The following IFNAR2 variants were observed in gnomAD, a reference collection of about 807,000 sequenced individuals.
The protein encoded by IFNAR2 is interferon alpha and beta receptor subunit 2, also known as interferon alpha/beta receptor 2.
In IFNAR2, 30 loss-of-function variants were observed where a neutral mutation model predicts 49.4. That is an observed-to-expected ratio of 0.61 (90% confidence interval 0.45 to 0.82). The LOEUF (loss-of-function observed/expected upper bound fraction) is 0.82, where lower values mean the gene tolerates loss of function less well. IFNAR2 is among the 40% of genes least tolerant of loss of function. IFNAR2 has a pLI of 0.00. For missense variants in IFNAR2, 600 were observed against 622.7 expected, an observed-to-expected ratio of 0.96 and a Z score of 0.39; for synonymous variants, 224 against 234.5, an observed-to-expected ratio of 0.96 and a Z score of 0.41.
chr21:33,246,387 T>C (rs1987409906), intron 4 of IFNAR2, among the ~76,000 whole-genome samples: 1 of 152,216 alleles, frequency 6.6e-6, no homozygotes, highest in African/African-American at 2.4e-5. Flanking sequence ...CAAGTTTTAC[T>C]GAGCACCTAC....
chr21:33,259,821 G>A (rs1988445490), intron 7 of IFNAR2, among the ~76,000 whole-genome samples: 1 of 152,146 alleles, frequency 6.6e-6, no homozygotes, highest in African/African-American at 2.4e-5. Flanking sequence ...ACTATCAAGG[G>A]TTTTTACTGA....
In IFNAR2 at chr21:33,263,669, G is replaced by T; in HGVS notation, c.*169G>T. On this transcript the variant is annotated 3_prime_UTR_variant, in exon 9 of 9. Coordinates refer to ENST00000342136, the MANE Select transcript of IFNAR2 (RefSeq NM_001289125.3). ...TCACCTATGCACATTCCCAGTATGG[G>T]GACCATAGTATCATTCAGTGCATTG... The T allele has an allele frequency of 1.6e-6, 1 of 620,764 alleles. No individual in the cohort carries two copies. Among genetic ancestry groups the T allele is most frequent in the South Asian group, 2.0e-5 (1 of 49,724 alleles). The allele number at this position is 620,764 out of a possible 1,614,324, so 38.5% of individuals were successfully genotyped here.
At chr21:33,236,150 A>G (rs1467454759) in intron 1 of IFNAR2, among the ~76,000 whole-genome samples, 1 of 152,106 alleles carries the variant, frequency 6.6e-6, no homozygotes, top group Non-Finnish European at 1.5e-5. Flanking sequence ...GCAAAGAGGA[A>G]GAGAGGGTCT....
In IFNAR2 at chr21:33,243,654, T is replaced by C; in HGVS notation, c.56-19T>C. The C allele has an allele frequency of 1.2e-6, 2 of 1,605,838 alleles. No individual in the cohort carries two copies. The highest frequency in any genetic ancestry group is 1.1e-5 in the South Asian group (1 of 90,858). ...CCAGATAAAACTATTGCCTCTCTAA[T>C]GTGTTTTCTTCCTTCTAGTGTATAT... is the stretch of plus-strand genomic sequence containing the variant. On this transcript the variant is annotated intron_variant, in intron 2 of 8. Transcript: ENST00000342136.
At chr21:33,247,469 C>T (rs965261197) in intron 5 of IFNAR2, among the ~76,000 whole-genome samples, 7 of 151,860 alleles carry the variant, frequency 4.6e-5, no homozygotes, top group East Asian at 1.9e-4. Context: ...AGGCTAGTCT[C>T]GAACTCCTGA....
At chr21:33,258,159 G>A (rs1988336216) in intron 7 of IFNAR2, among the ~76,000 whole-genome samples, 1 of 152,146 alleles carries the variant, frequency 6.6e-6, no homozygotes. Flanking sequence ...ACAAAAATTA[G>A]CCAGGCGTGG....
chr21:33,265,621 G>A lies in IFNAR2; in HGVS notation c.*2121G>A, dbSNP rs1430934657. ...TTTTTTAACATTTTGTATAATGATT[G>A]GAGGTTGGTAAAAAGTAACACAACA... On this transcript the variant is annotated 3_prime_UTR_variant, in exon 9 of 9. Transcript: ENST00000342136. 3 of 207,794 alleles carry A rather than the reference G, an allele frequency of 1.4e-5. No homozygotes were observed. Among genetic ancestry groups the A allele is most frequent in the Non-Finnish European group, 3.0e-5 (3 of 99,034 alleles). 12.9% of individuals were successfully genotyped at this position (207,794 alleles called of 1,614,324 possible).
chr21:33,244,930 C>G (rs763720274), intron 3 of IFNAR2, 21 bp from the exon 4 acceptor site: 8 of 1,612,636 alleles, frequency 5.0e-6, no homozygotes, highest in Non-Finnish European at 5.9e-6. Flanking sequence ...ATTTCAATGC[C>G]CTTTTTCTTC....
chr21:33,251,650 C>T, intron 6 of IFNAR2: 1 of 985,286 alleles, frequency 1.0e-6, no homozygotes, highest in Non-Finnish European at 1.2e-6. Context: ...TAGGAATCCT[C>T]ATTTATTAAA....
chr21:33,253,261 T>C (rs1015600007), intron 7 of IFNAR2, among the ~76,000 whole-genome samples: 3 of 152,142 alleles, frequency 2.0e-5, no homozygotes, highest in African/African-American at 7.2e-5. Flanking sequence ...CAGCTCTCGC[T>C]CATAGATGAA....
intron 1 of IFNAR2, among the ~76,000 whole-genome samples, chr21:33,232,180 TAAAAG>T (rs1394865218): frequency 1.3e-5 from 2 of 152,218 alleles, no homozygotes; most frequent in Non-Finnish European, 2.9e-5. Flanking sequence ...TCTCAAATGT[TAAAAG>T]AAAATGGGCA....
chr21:33,247,039 G>C, intron 5 of IFNAR2, 149 bp downstream of exon 5: 2 of 624,334 alleles, frequency 3.2e-6, no homozygotes, highest in Non-Finnish European at 5.6e-6. Context: ...CTGTAACCGT[G>C]GACTGCTTTG....
Position 33,252,762 on chromosome 21 carries a change from A to G in IFNAR2, c.641A>G (p.His214Arg), listed in dbSNP as rs896211095. The G allele has an allele frequency of 1.2e-6, 2 of 1,614,000 alleles. No individual in the cohort carries two copies. Among genetic ancestry groups the G allele is most frequent in the Non-Finnish European group, 1.7e-6 (2 of 1,179,848 alleles). The change falls in exon 7 of 9, where the codon CAC (histidine) becomes CGC (arginine). Residue 214 changes from histidine to arginine, a missense_variant. His to Arg is a conservative substitution (Grantham distance 29). Coordinates refer to ENST00000342136, the MANE Select transcript of IFNAR2 (RefSeq NM_001289125.3). ...TACTGTGTATCTGTTTATTTAGAGC[A>G]CAGTGATGAGCAAGCAGTAATAAAG... is the stretch of plus-strand genomic sequence containing the variant. ...TNYCVSVYLE[H>R]SDEQAVIKSP...
At chr21:33,242,687 C>T (rs1372632020) in intron 2 of IFNAR2, among the ~76,000 whole-genome samples, 3 of 129,794 alleles carry the variant, frequency 2.3e-5, no homozygotes, top group Non-Finnish European at 3.1e-5. Flanking sequence ...GAGCCGAGAT[C>T]GAGCCGCTGC....
At chr21:33,247,364 AC>A (rs2123486943) in intron 5 of IFNAR2, among the ~76,000 whole-genome samples, 1 of 147,966 alleles carries the variant, frequency 6.8e-6, no homozygotes, top group South Asian at 2.1e-4. Context: ...CGATTCTCCC[AC>A]CTCAGCCTCC....
In IFNAR2 at chr21:33,256,239, G is replaced by A. The variant is rs187949454; in HGVS notation, c.709+3409G>A. 6.4e-4 allele frequency among the ~76,000 whole-genome samples: 97 copies of A among 152,188 alleles called. No homozygotes were observed. The Middle Eastern group carries it at 0.014, about 21-fold the overall frequency. On this transcript the variant is annotated intron_variant, in intron 7 of 8. Coordinates refer to ENST00000342136, the MANE Select transcript of IFNAR2 (RefSeq NM_001289125.3). Reference sequence around the variant, plus strand: ...TGTTCATGTAACAACATCCTCTCAGGTCATTCCATTTTTACTTGGCGTGAA... The same window carrying A: ...TGTTCATGTAACAACATCCTCTCAGATCATTCCATTTTTACTTGGCGTGAA...
chr21:33,248,590 T>C, intron 5 of IFNAR2, 119 bp from the exon 6 acceptor site: 1 of 806,298 alleles, frequency 1.2e-6, no homozygotes, highest in Non-Finnish European at 1.8e-6. Flanking sequence ...TGAAAAATTA[T>C]GATGTAAATC....
rs1988866719 is a variant in IFNAR2, at chr21:33,264,786, C to T, written c.*1286C>T. 4 of 152,146 alleles carry T rather than the reference C, an allele frequency of 2.6e-5. No homozygotes were observed. Among genetic ancestry groups the T allele is most frequent in the African/African-American group, 7.2e-5 (3 of 41,384 alleles). 9.4% of individuals were successfully genotyped at this position (152,146 alleles called of 1,614,324 possible). A position where few individuals can be genotyped will look rare whatever the true frequency, so the allele number is the denominator to read the frequency against. ...GGCGTATCGCTTGAGGCCAGTAATT[C>T]GAGACCAGCCTGGGCAACATGGCAA... On this transcript the variant is annotated 3_prime_UTR_variant, in exon 9 of 9. Transcript: ENST00000342136.
At chr21:33,251,279 G>A (rs1485476734) in intron 6 of IFNAR2, among the ~76,000 whole-genome samples, 2 of 152,238 alleles carry the variant, frequency 1.3e-5, no homozygotes, top group African/African-American at 4.8e-5. Context: ...GTAGCTGAGA[G>A]AAGAACTTTC....
Sources: gnomAD v4.1 joint callset for allele counts (sites outside exome capture counted in the v4.1 genomes callset) on GRCh38, gnomAD v4.1.1 for gene constraint, MANE v1.5 for transcripts, NCBI Gene and HGNC (gene_info 2026-07-23, HGNC 2026-07-21) for gene names.